The following LRRTM4 variants were observed in gnomAD, a reference collection of about 807,000 sequenced individuals.
The protein encoded by LRRTM4 is leucine rich repeat transmembrane neuronal 4.
Under a neutral mutation model 47.6 loss-of-function variants are expected in LRRTM4, and 25 were observed. That is an observed-to-expected ratio of 0.53 (90% CI 0.38 to 0.73). LRRTM4 has a LOEUF of 0.73. Among genes scored for constraint, LRRTM4 ranks in the 30% least tolerant of loss-of-function variants. LRRTM4 has a pLI of 0.00. For missense variants in LRRTM4, 638 were observed against 713.4 expected (o/e 0.89, Z 1.20); for synonymous variants, 311 against 269.5 (o/e 1.15, Z -1.51).
chr2:77,074,320 A>T (rs142765511), intron 3 of LRRTM4, among the ~76,000 whole-genome samples: 13 of 152,280 alleles, frequency 8.5e-5, no homozygotes, highest in African/African-American at 2.4e-4. Flanking sequence ...TCCTGTCTTC[A>T]TGGGCCTGGC....
intron 3 of LRRTM4, among the ~76,000 whole-genome samples, chr2:76,892,964 C>T (rs1673302060): frequency 6.7e-6 from 1 of 149,594 alleles, no homozygotes; most frequent in African/African-American, 2.5e-5. Flanking sequence ...GTCAAAATCC[C>T]AAAGTGTGAA....
At chr2:76,834,276 C>A (rs1418354906) in intron 3 of LRRTM4, among the ~76,000 whole-genome samples, 1 of 151,234 alleles carries the variant, frequency 6.6e-6, no homozygotes, top group Admixed American at 6.6e-5. Context: ...GTCTCGAACT[C>A]CTGACCTCAG....
intron 3 of LRRTM4, among the ~76,000 whole-genome samples, chr2:77,331,491 G>A (rs553718645): frequency 6.6e-6 from 1 of 152,256 alleles, no homozygotes; most frequent in African/African-American, 2.4e-5. Context: ...TTAAGTAGTA[G>A]TCCTGCCATC....
At chr2:77,198,938 G>A (rs2103895310) in intron 3 of LRRTM4, among the ~76,000 whole-genome samples, 1 of 152,198 alleles carries the variant, frequency 6.6e-6, no homozygotes, top group Non-Finnish European at 1.5e-5. Flanking sequence ...AAATGCTGCA[G>A]GATCAAGGAC....
chr2:77,245,028 AC>A (rs1675393164), intron 3 of LRRTM4, among the ~76,000 whole-genome samples: 1 of 152,096 alleles, frequency 6.6e-6, no homozygotes, highest in South Asian at 2.1e-4. Flanking sequence ...TTCCTGACCC[AC>A]CTAAAGTATA....
intron 3 of LRRTM4, among the ~76,000 whole-genome samples, chr2:76,931,646 T>C (rs1311306354): frequency 6.6e-6 from 1 of 152,162 alleles, no homozygotes; most frequent in Non-Finnish European, 1.5e-5. Flanking sequence ...TGGATACACA[T>C]GTTCTCTATG....
At chr2:77,434,183 G>A (rs1014323450) in intron 3 of LRRTM4, among the ~76,000 whole-genome samples, 7 of 151,754 alleles carry the variant, frequency 4.6e-5, no homozygotes, top group African/African-American at 1.5e-4. Context: ...TGACATCAGC[G>A]TTAGGATGTT....
intron 3 of LRRTM4, among the ~76,000 whole-genome samples, chr2:76,940,960 T>C (rs1675122006): frequency 6.6e-6 from 1 of 152,184 alleles, no homozygotes; most frequent in Admixed American, 6.5e-5. Context: ...TCTTACCACT[T>C]TTGTTATCTT....
chr2:76,840,546 C>T (rs1003420604), intron 3 of LRRTM4, among the ~76,000 whole-genome samples: 18 of 152,070 alleles, frequency 1.2e-4, no homozygotes, highest in African/African-American at 3.9e-4. Flanking sequence ...GTTTAGTCTT[C>T]ACATGCAAAA....
At chr2:76,801,654 TAAAGTATAATAAAAAAAAAAGA>T (rs1056731191) in intron 3 of LRRTM4, among the ~76,000 whole-genome samples, 7 of 151,672 alleles carry the variant, frequency 4.6e-5, no homozygotes, top group East Asian at 1.9e-4. Context: ...CCCTAAAACT[TAAAGTATAATAAAAAAAAAAGA>T]AAAGTACAGG....
chr2:77,243,143 T>G (rs1351085633), intron 3 of LRRTM4, among the ~76,000 whole-genome samples: 1 of 152,152 alleles, frequency 6.6e-6, no homozygotes. Context: ...CCAGGCACGG[T>G]GGCTCACGCC....
rs576649542 is a variant in LRRTM4 at position 77,076,474 on chromosome 2, A to G, written c.1552-327558T>C. On this transcript the variant is annotated intron_variant, in intron 3 of 3. Coordinates refer to ENST00000409884, the MANE Select transcript of LRRTM4 (RefSeq NM_001134745.3). ...AGTCAGAGAATGAAACAAGCAGTGTATAAAAAACAGATATTACAGTAACAA... is the reference window on the plus strand; with the variant it reads ...AGTCAGAGAATGAAACAAGCAGTGTGTAAAAAACAGATATTACAGTAACAA... Among the ~76,000 whole-genome samples, 5 of 152,340 alleles carry G rather than the reference A, an allele frequency of 3.3e-5. No homozygotes were observed. The South Asian group carries it at 8.3e-4, about 25-fold the overall frequency.
chr2:76,767,355 A>G (rs559319481), intron 3 of LRRTM4, among the ~76,000 whole-genome samples: 1 of 152,282 alleles, frequency 6.6e-6, no homozygotes, highest in African/African-American at 2.4e-5. Context: ...CATCTTTATG[A>G]GTGCTTTATG....
chr2:76,839,874 A>G (rs1365555656), intron 3 of LRRTM4, among the ~76,000 whole-genome samples: 2 of 152,146 alleles, frequency 1.3e-5, no homozygotes, highest in African/African-American at 4.8e-5. Context: ...GGAAGAATAT[A>G]AAGGCCAGTG....
rs559193149 is a variant in LRRTM4, at chr2:77,072,692, G to A, written c.1552-323776C>T. 5.3e-5 allele frequency among the ~76,000 whole-genome samples: 8 copies of A among 151,556 alleles called. No individual in the cohort carries two copies. The Middle Eastern group carries it at 0.01, about 195-fold the overall frequency. ...CACCCTCCTGTAGTTCCAGCTACTC[G>A]GGAGGCTGAGGCAGGAGAATCGCTT... On this transcript the variant is annotated intron_variant, in intron 3 of 3. Transcript: ENST00000409884.
At position 76,974,521 on chromosome 2, in the gene LRRTM4, T is replaced by TAC. The variant is rs201974177; in HGVS notation, c.1552-225607_1552-225606dup. Among the ~76,000 whole-genome samples, 884 of 133,982 alleles carry TAC rather than the reference T, an allele frequency of 6.6e-3. 28 individuals carry two copies. The highest frequency in any genetic ancestry group is 0.049 in the Admixed American group (690 of 14,136). 87.9% of individuals were successfully genotyped at this position (133,982 alleles called of 152,430 possible). A position where few individuals can be genotyped will look rare whatever the true frequency, so the allele number is the denominator to read the frequency against. On this transcript the variant is annotated intron_variant, in intron 3 of 3. Coordinates refer to ENST00000409884, the MANE Select transcript of LRRTM4 (RefSeq NM_001134745.3). ...TTGTAATAAAACAGTACCATTGTGATACACACATATAGTGTATATGTGTCA... is the reference window on the plus strand; with the variant it reads ...TTGTAATAAAACAGTACCATTGTGATACACACACATATAGTGTATATGTGTCA...
intron 3 of LRRTM4, among the ~76,000 whole-genome samples, chr2:76,796,400 C>T (rs1395152019): frequency 7.6e-6 from 1 of 131,632 alleles, no homozygotes; most frequent in African/African-American, 3.0e-5. Context: ...GTAACCTCTG[C>T]AGACTTAAAT....
intron 3 of LRRTM4, among the ~76,000 whole-genome samples, chr2:77,251,044 A>G (rs770354271): frequency 1.3e-5 from 2 of 151,920 alleles, no homozygotes; most frequent in Middle Eastern, 3.2e-3. Flanking sequence ...TGGAGGTTGC[A>G]GTGAGCCGAG....
intron 3 of LRRTM4, among the ~76,000 whole-genome samples, chr2:76,797,697 CAG>C (rs1675421732): frequency 6.6e-6 from 1 of 151,318 alleles, no homozygotes; most frequent in South Asian, 2.1e-4. Flanking sequence ...CAAGACCCAT[CAG>C]TGTGCTGTAT....
Sources: gnomAD v4.1 joint callset for allele counts (sites outside exome capture counted in the v4.1 genomes callset) on GRCh38, gnomAD v4.1.1 for gene constraint, MANE v1.5 for transcripts, NCBI Gene and HGNC (gene_info 2026-07-23, HGNC 2026-07-21) for gene names.